ZC3H13: variants seen among roughly 807,000 people sequenced by gnomAD.
ZC3H13 encodes the protein zinc finger CCCH domain-containing protein 13.
ZC3H13 carries 64 observed loss-of-function variants against 204.1 expected under a neutral mutation model. The observed-to-expected ratio is 0.31, with a 90% CI of 0.26 to 0.39. The LOEUF is 0.39. Ranked by LOEUF, ZC3H13 falls within the 10% of genes least tolerant of loss-of-function variation. ZC3H13 has a pLI of 1.00. For missense variants in ZC3H13, 1,833 were observed against 2,082.7 expected, an observed-to-expected ratio of 0.88 and a Z score of 2.33; for synonymous variants, 667 against 693.7, an observed-to-expected ratio of 0.96 and a Z score of 0.60.
intron 7 of ZC3H13, among the ~76,000 whole-genome samples, chr13:46,006,354 TATAAAATAAA>T (rs908406965): frequency 4.6e-5 from 7 of 151,898 alleles, no homozygotes; most frequent in Non-Finnish European, 8.8e-5. Flanking sequence ...CCTGCAAAAA[TATAAAATAAA>T]ATAAAATAAA....
At chr13:45,968,618 T>C in intron 14 of ZC3H13, 130 bp downstream of exon 14, 1 of 1,250,624 alleles carries the variant, frequency 8.0e-7, no homozygotes, top group Non-Finnish European at 1.1e-6. Flanking sequence ...GCTAAACTTT[T>C]CTTTAAAAAG....
At chr13:45,978,997 T>C (rs1045015591) in intron 11 of ZC3H13, among the ~76,000 whole-genome samples, 3 of 152,104 alleles carry the variant, frequency 2.0e-5, no homozygotes, top group Non-Finnish European at 4.4e-5. Context: ...CCAATCAAGA[T>C]ATAATATTAC....
chr13:46,020,386 A>G, intron 5 of ZC3H13, 63 bp downstream of exon 5: 1 of 1,279,814 alleles, frequency 7.8e-7, no homozygotes. Context: ...TCTGAAGCCC[A>G]CGAAAACTCT....
chr13:45,980,062 A>C, intron 10 of ZC3H13, 58 bp from the exon 11 acceptor site: 28 of 1,418,768 alleles, frequency 2.0e-5, no homozygotes, highest in Non-Finnish European at 2.6e-5. Flanking sequence ...AACAAATTTC[A>C]TCAGTCATAA....
intron 4 of ZC3H13, among the ~76,000 whole-genome samples, chr13:46,037,028 G>C (rs949114308): frequency 4.6e-5 from 7 of 152,040 alleles, no homozygotes; most frequent in African/African-American, 1.7e-4. Flanking sequence ...TATCCCAATT[G>C]TTTTAATATT....
In ZC3H13 at chr13:45,985,695, C is replaced by A; in HGVS notation, c.1322G>T (p.Ser441Ile). The A allele has an allele frequency of 1.2e-6, 2 of 1,614,000 alleles. No homozygotes were observed. The highest frequency in any genetic ancestry group is 1.7e-6 in the Non-Finnish European group (2 of 1,180,022). Reference protein sequence around the residue: ...REEREYEQDQSSSRDHRDDRE... With the variant: ...REEREYEQDQISSRDHRDDRE... Reference sequence around the variant, plus strand: ...GTCATCTCTGTGGTCTCTAGAAGAGCTCTGATCCTGTTCATATTCTCGTTC... The same window carrying A: ...GTCATCTCTGTGGTCTCTAGAAGAGATCTGATCCTGTTCATATTCTCGTTC... The change falls in exon 10 of 19, where the codon AGC (serine) becomes ATC (isoleucine). Residue 441 changes from serine to isoleucine, a missense_variant. Transcript: ENST00000679008.
In ZC3H13 at chr13:45,979,962, C is replaced by T; in HGVS notation, c.1763G>A (p.Ser588Asn). The T allele has an allele frequency of 1.9e-6, 3 of 1,608,782 alleles. No individual in the cohort carries two copies. The highest frequency in any genetic ancestry group is 2.5e-6 in the Non-Finnish European group (3 of 1,178,088). Residue 588 changes from serine to asparagine, a missense_variant, in exon 11 of 19, where the codon AGT (serine) becomes AAT (asparagine). Ser to Asn is a conservative substitution (Grantham distance 46, BLOSUM62 1). This residue lies in a region of ZC3H13 where 1,574 missense variants were observed against 1,757.2 expected (regional missense o/e 0.90). Coordinates refer to ENST00000679008, the MANE Select transcript of ZC3H13 (RefSeq NM_001330564.2). ...SRGSQIDSHS[S>N]NSNYHDSWET... ...CCAGCTGTCATGATAGTTGCTATTA[C>T]TACTGTGACTATCAATTTGAGAACC...
At chr13:46,035,271 G>T (rs77770023) in intron 4 of ZC3H13, among the ~76,000 whole-genome samples, 2,565 of 152,250 alleles carry the variant, frequency 0.017, 115 homozygotes, top group Admixed American at 0.089. Flanking sequence ...CAGCCTACGT[G>T]CTTCCAGTAG....
chr13:46,001,957 A>G (rs2040777111), intron 8 of ZC3H13, among the ~76,000 whole-genome samples: 1 of 152,118 alleles, frequency 6.6e-6, no homozygotes, highest in South Asian at 2.1e-4. Context: ...AGTGAAAAAA[A>G]AAAAAGCAAC....
intron 18 of ZC3H13, 97 bp downstream of exon 18, chr13:45,959,386 A>G: frequency 2.4e-6 from 3 of 1,257,812 alleles, no homozygotes; most frequent in Non-Finnish European, 3.1e-6. Context: ...CCAAACTCAT[A>G]AAAACATAAG....
chr13:45,978,745 G>C lies in ZC3H13; in HGVS notation c.1912+1068C>G, dbSNP rs142447872. On this transcript the variant is annotated intron_variant, in intron 11 of 18. Coordinates refer to ENST00000679008, the MANE Select transcript of ZC3H13 (RefSeq NM_001330564.2). ...ATGAAAATAGAAAAAAAGGAAAAAA[G>C]AAATTTAAAAAAAAGCATCACCAGT... 2.6e-5 allele frequency among the ~76,000 whole-genome samples: 4 copies of C among 151,620 alleles called. No individual in the cohort carries two copies. In the East Asian group the frequency reaches 7.8e-4, roughly 29 times the overall value.
chr13:46,004,070 G>A (rs569632029), intron 7 of ZC3H13, among the ~76,000 whole-genome samples: 6 of 152,196 alleles, frequency 3.9e-5, no homozygotes, highest in South Asian at 4.1e-4. Flanking sequence ...TATAGAATGC[G>A]AGAAAATATG....
chr13:45,975,643 T>C lies in ZC3H13; in HGVS notation c.2108A>G (p.Lys703Arg). 2 of 1,592,112 alleles carry C rather than the reference T, an allele frequency of 1.3e-6. No individual in the cohort carries two copies. The highest frequency in any genetic ancestry group is 8.6e-7 in the Non-Finnish European group (1 of 1,168,666). ...ACGCTCTCTTTCTAGTTCTCTCTCT[T>C]TTTCTCTTTCCCGATCCCGTTCACG... ...RERERDRERE[K>R]ERELERERAR... is the part of the protein sequence containing the mutation. Residue 703 changes from lysine (K) to arginine (R), a missense_variant, in exon 12 of 19, where the codon AAA becomes AGA. Physicochemically the swap from Lys to Arg is conservative, Grantham distance 26. Around this residue, in one of 5 missense-constraint regions of ZC3H13, gnomAD observed 1,574 missense variants for 1,757.2 expected, o/e 0.90. Coordinates refer to ENST00000679008, the MANE Select transcript of ZC3H13 (RefSeq NM_001330564.2).
At position 45,969,810 on chromosome 13, in the gene ZC3H13, C is replaced by T; in HGVS notation, c.2734G>A (p.Glu912Lys). 1 of 1,613,906 alleles carries T rather than the reference C, an allele frequency of 6.2e-7. No individual in the cohort carries two copies. The highest frequency in any genetic ancestry group is 8.5e-7 in the Non-Finnish European group (1 of 1,180,016). ...SRRYEEQELK[E>K]KVSSVDKQRE... ...TGTTTATCTACAGAAGAAACTTTCT[C>T]CTTGAGTTCCTGTTCTTCGTAGCGC... Residue 912 changes from glutamate (E) to lysine (K), a missense_variant, in exon 14 of 19, where the codon GAG (glutamate) becomes AAG (lysine). Physicochemically the swap from Glu to Lys is moderately conservative, Grantham distance 56. Coordinates refer to ENST00000679008, the MANE Select transcript of ZC3H13 (RefSeq NM_001330564.2).
chr13:45,976,198 C>T (rs1310192081), intron 11 of ZC3H13: 1 of 984,864 alleles, frequency 1.0e-6, no homozygotes, highest in Non-Finnish European at 1.2e-6. Flanking sequence ...TCTTCTCTGT[C>T]CCCCCAGCAG....
At chr13:45,972,382 A>G (rs1345956895) in intron 12 of ZC3H13, among the ~76,000 whole-genome samples, 3 of 152,078 alleles carry the variant, frequency 2.0e-5, no homozygotes, top group Admixed American at 2.0e-4. Flanking sequence ...TGTAAGTGAG[A>G]GCTAAGCTAT....
chr13:45,980,774 C>A (rs1363200531), intron 10 of ZC3H13, among the ~76,000 whole-genome samples: 2 of 152,018 alleles, frequency 1.3e-5, no homozygotes, highest in Non-Finnish European at 2.9e-5. Context: ...AGGGTTGTGG[C>A]TATAAAGGGG....
At chr13:46,034,527 C>T (rs536599217) in intron 4 of ZC3H13, among the ~76,000 whole-genome samples, 20 of 152,058 alleles carry the variant, frequency 1.3e-4, no homozygotes, top group Admixed American at 3.9e-4. Flanking sequence ...AATCAAGACA[C>T]GATAATATAT....
At chr13:46,008,180 C>A (rs1263541178) in intron 7 of ZC3H13, among the ~76,000 whole-genome samples, 5 of 151,648 alleles carry the variant, frequency 3.3e-5, no homozygotes, top group African/African-American at 1.2e-4. Context: ...GGTTAAAATA[C>A]TCCACTGAGT....
Sources: gnomAD v4.1 joint callset for allele counts (sites outside exome capture counted in the v4.1 genomes callset) on GRCh38, gnomAD v4.1.1 for gene constraint, gnomAD v4.1.1 regional missense constraint, MANE v1.5 for transcripts, NCBI Gene and HGNC (gene_info 2026-07-23, HGNC 2026-07-21) for gene names.